Variants in CTSS observed in about 807,000 individuals in gnomAD.
CTSS encodes cathepsin S.
CTSS carries 15 observed loss-of-function variants against 39.9 expected under a neutral mutation model. That is an observed-to-expected ratio of 0.38 (90% CI 0.25 to 0.58). The LOEUF (loss-of-function observed/expected upper bound fraction) is 0.58. CTSS is among the 20% of genes least tolerant of loss of function. The pLI is 0.70. For missense variants in CTSS, 250 were observed against 398.2 expected (o/e 0.63, Z 3.17); for synonymous variants, 126 against 138.2 (o/e 0.91, Z 0.62).
At chr1:150,749,484 G>A (rs760343111) in intron 6 of CTSS, among the ~76,000 whole-genome samples, 1 of 152,076 alleles carries the variant, frequency 6.6e-6, no homozygotes, top group Non-Finnish European at 1.5e-5. Context: ...GGCTGAGAGA[G>A]GCGAGGAAGC....
rs1034426668 is a variant in CTSS, at chr1:150,730,407, C to G, written c.*2639G>C. 4 of 152,160 alleles carry G rather than the reference C, an allele frequency of 2.6e-5. No individual in the cohort carries two copies. The highest frequency in any genetic ancestry group is 6.5e-5 in the Admixed American group (1 of 15,270). 9.4% of individuals were successfully genotyped at this position (152,160 alleles called of 1,614,324 possible). ...GAGAGGCCTGTTTGTTTAGATTCCT[C>G]TTTGTGTCCCTGTGCTTTTGGAGGT... On this transcript the variant is annotated 3_prime_UTR_variant, in exon 8 of 8. Coordinates refer to ENST00000368985, the MANE Select transcript of CTSS (RefSeq NM_004079.5).
intron 7 of CTSS, among the ~76,000 whole-genome samples, chr1:150,736,188 C>T (rs587609985): frequency 1.3e-5 from 2 of 152,232 alleles, no homozygotes; most frequent in South Asian, 4.1e-4. Flanking sequence ...TATTAATAGA[C>T]ACCACTTATT....
At chr1:150,762,686 C>T (rs1421672664) in intron 2 of CTSS, among the ~76,000 whole-genome samples, 3 of 152,096 alleles carry the variant, frequency 2.0e-5, no homozygotes, top group Admixed American at 6.6e-5. Flanking sequence ...TTAACATCAC[C>T]AGTCATCAGG....
intron 7 of CTSS, among the ~76,000 whole-genome samples, chr1:150,745,387 G>A (rs1435685935): frequency 6.6e-6 from 1 of 152,086 alleles, no homozygotes; most frequent in Non-Finnish European, 1.5e-5. Flanking sequence ...TTGGCCAGGC[G>A]CAGTGGCTCA....
chr1:150,757,927 C>A lies in CTSS; in HGVS notation c.180G>T (p.Met60Ile). The part of the protein sequence containing the change: ...LIWEKNLKFV[M>I]LHNLEHSMGM... The stretch of plus-strand genomic sequence containing the variant: ...CCATTGAATGCTCCAGGTTGTGAAG[C>A]ATCACAAACTTTAGATTCTTTTCCC... The change falls in exon 3 of 8, where the codon ATG (methionine) becomes ATT (isoleucine). Residue 60 changes from methionine (M) to isoleucine (I), a missense_variant. Met to Ile is a conservative substitution (Grantham distance 10). Transcript: ENST00000368985. The A allele has an allele frequency of 6.2e-7, 1 of 1,613,938 alleles. No homozygotes were observed. The highest frequency in any genetic ancestry group is 8.5e-7 in the Non-Finnish European group (1 of 1,179,922).
intron 3 of CTSS, among the ~76,000 whole-genome samples, chr1:150,757,391 C>T (rs1653155675): frequency 6.6e-6 from 1 of 152,148 alleles, no homozygotes; most frequent in Non-Finnish European, 1.5e-5. Context: ...AGGGCGTTCC[C>T]TTCTTCACTT....
intron 7 of CTSS, among the ~76,000 whole-genome samples, chr1:150,742,701 A>C (rs1208833777): frequency 6.6e-6 from 1 of 152,148 alleles, no homozygotes; most frequent in Non-Finnish European, 1.5e-5. Context: ...GAAAATACAT[A>C]TAAAATATGA....
At chr1:150,756,072 T>C (rs1487444718) in intron 3 of CTSS, among the ~76,000 whole-genome samples, 2 of 152,194 alleles carry the variant, frequency 1.3e-5, no homozygotes, top group African/African-American at 2.4e-5. Context: ...ATCACCTTCT[T>C]CTATAAGCTT....
chr1:150,760,226 A>T lies in CTSS; in HGVS notation c.127-2246T>A, dbSNP rs148365323. Among the ~76,000 whole-genome samples, 7 of 152,320 alleles carry T rather than the reference A, an allele frequency of 4.6e-5. No homozygotes were observed. In the East Asian group the frequency reaches 1.3e-3, roughly 29 times the overall value. On this transcript the variant is annotated intron_variant, in intron 2 of 7. Coordinates refer to ENST00000368985, the MANE Select transcript of CTSS (RefSeq NM_004079.5). The stretch of plus-strand genomic sequence containing the variant: ...AACCTGTTCATAAAGGGTGTGGGTG[A>T]GGGTGAAATTCATCACCACCAACGA...
At position 150,739,905 on chromosome 1, in the gene CTSS, T is replaced by C. The variant is rs587766835; in HGVS notation, c.897-6760A>G. 2.0e-5 allele frequency among the ~76,000 whole-genome samples: 3 copies of C among 151,786 alleles called. No homozygotes were observed. In the East Asian group the frequency reaches 5.8e-4, roughly 29 times the overall value. ...TAAATAACCTGCCGAAGTTCTTCTA[T>C]GCCTCCAGTGCAACCTATGCCACCT... On this transcript the variant is annotated intron_variant, in intron 7 of 7. Transcript: ENST00000368985.
intron 7 of CTSS, among the ~76,000 whole-genome samples, chr1:150,743,620 A>G (rs1397498873): frequency 1.0e-3 from 80 of 80,118 alleles, no homozygotes; most frequent in Non-Finnish European, 1.8e-3. Flanking sequence ...TTATATATGT[A>G]TATTATGTAT....
At chr1:150,740,540 G>A (rs370513416) in intron 7 of CTSS, among the ~76,000 whole-genome samples, 4 of 152,052 alleles carry the variant, frequency 2.6e-5, no homozygotes, top group African/African-American at 4.8e-5. Flanking sequence ...ACAGGCATGC[G>A]CCACCACGCC....
rs1653096444 is a variant in CTSS at position 150,755,244 on chromosome 1, A to G, written c.250-94T>C. 8 of 1,380,416 alleles carry G rather than the reference A, an allele frequency of 5.8e-6. No individual in the cohort carries two copies. In the Admixed American group the frequency reaches 8.8e-5, roughly 15 times the overall value. 85.5% of individuals were successfully genotyped at this position (1,380,416 alleles called of 1,614,324 possible). ...GTGATTTTGTCATTGTGAAAACACCATAGTGTGTACTTACACAAACCTAGA... is the reference window on the plus strand; with the variant it reads ...GTGATTTTGTCATTGTGAAAACACCGTAGTGTGTACTTACACAAACCTAGA... On this transcript the variant is annotated intron_variant, in intron 3 of 7. Coordinates refer to ENST00000368985, the MANE Select transcript of CTSS (RefSeq NM_004079.5).
intron 1 of CTSS, among the ~76,000 whole-genome samples, chr1:150,765,191 C>G (rs942848602): frequency 1.3e-5 from 2 of 151,660 alleles, no homozygotes; most frequent in Non-Finnish European, 2.9e-5. Context: ...CTCTTCTTAA[C>G]TGACCTGTTT....
chr1:150,746,654 T>G (rs1652901896), intron 7 of CTSS, among the ~76,000 whole-genome samples: 1 of 152,186 alleles, frequency 6.6e-6, no homozygotes, highest in East Asian at 1.9e-4. Context: ...CCTGAGCTAC[T>G]TCTGAAGAAA....
Position 150,757,717 on chromosome 1 carries a change from G to A in CTSS, c.249+141C>T, listed in dbSNP as rs587684374. Reference sequence around the variant, plus strand: ...AAGAAATTTCTGTACACGTTCTTACGTCCTTCAATTCTACTGTTTTCCAAC... The same window carrying A: ...AAGAAATTTCTGTACACGTTCTTACATCCTTCAATTCTACTGTTTTCCAAC... On this transcript the variant is annotated intron_variant, in intron 3 of 7. Transcript: ENST00000368985. 12 of 669,826 alleles carry A rather than the reference G, an allele frequency of 1.8e-5. No homozygotes were observed. In the South Asian group the frequency reaches 1.9e-4, roughly 11 times the overall value. 41.5% of individuals were successfully genotyped at this position (669,826 alleles called of 1,614,324 possible). A position where few individuals can be genotyped will look rare whatever the true frequency, so the allele number is the denominator to read the frequency against.
At chr1:150,749,724 A>T (rs1350559469) in intron 6 of CTSS, among the ~76,000 whole-genome samples, 1 of 151,460 alleles carries the variant, frequency 6.6e-6, no homozygotes, top group Non-Finnish European at 1.5e-5. Context: ...ATCATAGCTC[A>T]CTGTAACCTC....
intron 6 of CTSS, among the ~76,000 whole-genome samples, chr1:150,748,582 C>CT (rs745861762): frequency 1.6e-3 from 217 of 136,286 alleles, no homozygotes; most frequent in African/African-American, 2.2e-3. Flanking sequence ...CAGATATTAG[C>CT]TTTTTTTTTT....
intron 2 of CTSS, among the ~76,000 whole-genome samples, chr1:150,759,204 C>G (rs1653201129): frequency 6.6e-6 from 1 of 151,784 alleles, no homozygotes; most frequent in Non-Finnish European, 1.5e-5. Context: ...TTTACAACTT[C>G]GTTACATGTA....
Sources: gnomAD v4.1 joint callset for allele counts (sites outside exome capture counted in the v4.1 genomes callset) on GRCh38, gnomAD v4.1.1 for gene constraint, MANE v1.5 for transcripts, NCBI Gene and HGNC (gene_info 2026-07-23, HGNC 2026-07-21) for gene names.